The following MON2 variants were observed in gnomAD, a reference collection of about 807,000 sequenced individuals.
MON2 encodes the protein MON2 regulator of endosome-to-Golgi trafficking, also known as protein MON2 homolog.
In MON2, 84 loss-of-function variants were observed where a neutral mutation model predicts 208.6. That is an observed-to-expected ratio of 0.40 (90% CI 0.34 to 0.48). MON2 has a LOEUF of 0.48. MON2 is among the 20% of genes least tolerant of loss of function. The pLI is 0.59. For missense variants in MON2, 1,611 were observed against 2,015.4 expected, an observed-to-expected ratio of 0.80 and a Z score of 3.84; for synonymous variants, 660 against 694.0, an observed-to-expected ratio of 0.95 and a Z score of 0.77.
chr12:62,525,172 T>G lies in MON2; in HGVS notation c.1198T>G (p.Leu400Val). 2 of 1,613,254 alleles carry G rather than the reference T, an allele frequency of 1.2e-6. No individual in the cohort carries two copies. Among genetic ancestry groups the G allele is most frequent in the Non-Finnish European group, 1.7e-6 (2 of 1,179,320 alleles). ...VNALGSFIQSLFLVPPTGNPA... is the reference protein window; with the variant it reads ...VNALGSFIQSVFLVPPTGNPA... Reference sequence around the variant, plus strand: ...TGCACTGGGATCTTTTATACAGTCCTTGTTTCTTGTCCCCCCTACTGGAAA... The same window carrying G: ...TGCACTGGGATCTTTTATACAGTCCGTGTTTCTTGTCCCCCCTACTGGAAA... The change falls in exon 10 of 35, where the codon TTG becomes GTG. Residue 400 changes from leucine (L) to valine (V), a missense_variant. Leu to Val is a conservative substitution (Grantham distance 32, BLOSUM62 1). Transcript: ENST00000393630.
At position 62,549,667 on chromosome 12, in the gene MON2, G is replaced by C; in HGVS notation, c.2754-1G>C. ...TCTGTATACATTTCTTTTGTTTTCA[G>C]AGAATCCTTGATACGAACTGCATTC... On this transcript the variant is annotated splice_acceptor_variant, in intron 22 of 34. Coordinates refer to ENST00000393630, the MANE Select transcript of MON2 (RefSeq NM_015026.3). LOFTEE classifies it high-confidence loss of function. 6 of 1,584,050 alleles carry C rather than the reference G, an allele frequency of 3.8e-6. No individual in the cohort carries two copies. Among genetic ancestry groups the C allele is most frequent in the Non-Finnish European group, 5.1e-6 (6 of 1,170,876 alleles).
intron 2 of MON2, chr12:62,490,088 G>T: frequency 2.5e-6 from 2 of 813,352 alleles, no homozygotes; most frequent in Non-Finnish European, 3.4e-6. Context: ...AAACCCCTAG[G>T]ATATGGGGAC....
At chr12:62,527,840 G>A (rs1304450106) in intron 11 of MON2, among the ~76,000 whole-genome samples, 4 of 149,570 alleles carry the variant, frequency 2.7e-5, no homozygotes, top group African/African-American at 9.8e-5. Flanking sequence ...GTGTACTTGA[G>A]GAAGGAAAAA....
intron 1 of MON2, among the ~76,000 whole-genome samples, chr12:62,481,301 C>T (rs1445086907): frequency 1.8e-4 from 27 of 151,984 alleles, no homozygotes; most frequent in East Asian, 3.9e-4. Flanking sequence ...CTGAGGCGGG[C>T]GGATCACGAG....
Position 62,537,636 on chromosome 12 carries a change from TACTTA to T in MON2, c.2053_2057del (p.Asn685GlyfsTer31), listed in dbSNP as rs1565660253. The T allele has an allele frequency of 6.2e-7, 1 of 1,613,274 alleles. No homozygotes were observed. The highest frequency in any genetic ancestry group is 2.2e-5 in the East Asian group (1 of 44,824). ...AAAAATATCCAGTGTATGAGGACTT[TACTTA>T]ACTTGGCGCATTGCCATGGGGCTGT... On this transcript the variant is annotated frameshift_variant, in exon 16 of 35. Transcript: ENST00000393630. LOFTEE classifies it high-confidence loss of function.
chr12:62,592,468 A>T (rs1592494871), intron 34 of MON2, 118 bp from the exon 35 acceptor site: 1 of 738,356 alleles, frequency 1.4e-6, no homozygotes, highest in Non-Finnish European at 2.0e-6. Flanking sequence ...ACAAGCTTGT[A>T]GAATCTTCAT....
In MON2 at chr12:62,529,015, C is replaced by T. The variant is rs374619533; in HGVS notation, c.1400+2913C>T. 6.6e-5 allele frequency among the ~76,000 whole-genome samples: 10 copies of T among 152,224 alleles called. No individual in the cohort carries two copies. The East Asian group carries it at 1.2e-3, about 18-fold the overall frequency. On this transcript the variant is annotated intron_variant, in intron 11 of 34. Transcript: ENST00000393630. ...GCTCCTCTTTCTCCTCCCACCCTCC[C>T]GCCTCAAGTACACCCCAGTGTCTGG... is the stretch of plus-strand genomic sequence containing the variant.
At chr12:62,578,846 G>A (rs1261669715) in intron 31 of MON2, among the ~76,000 whole-genome samples, 1 of 152,184 alleles carries the variant, frequency 6.6e-6, no homozygotes, top group African/African-American at 2.4e-5. Context: ...GATGTTTCTG[G>A]TTCAAATTAA....
chr12:62,484,112 C>G, intron 1 of MON2, 58 bp from the exon 2 acceptor site: 1 of 1,228,496 alleles, frequency 8.1e-7, no homozygotes, highest in Non-Finnish European at 1.2e-6. Flanking sequence ...GACTTATTTT[C>G]CATAGATAAT....
chr12:62,470,165 C>T (rs1786156016), intron 1 of MON2, among the ~76,000 whole-genome samples: 1 of 151,976 alleles, frequency 6.6e-6, no homozygotes, highest in African/African-American at 2.4e-5. Flanking sequence ...CCTCCTACTC[C>T]CAAAGTGCTA....
At chr12:62,530,898 G>C (rs950797289) in intron 11 of MON2, among the ~76,000 whole-genome samples, 1 of 152,148 alleles carries the variant, frequency 6.6e-6, no homozygotes, top group Non-Finnish European at 1.5e-5. Flanking sequence ...CCTCAGCAAT[G>C]CTTGTTAATC....
At position 62,533,243 on chromosome 12, in the gene MON2, A is replaced by G. The variant is rs532836962; in HGVS notation, c.1633+573A>G. ...ACTGTATCATTACATTAGGAAGCAT[A>G]CTACAGTATCAATTTGTGTCATTAT... On this transcript the variant is annotated intron_variant, in intron 12 of 34. Coordinates refer to ENST00000393630, the MANE Select transcript of MON2 (RefSeq NM_015026.3). Among the ~76,000 whole-genome samples the G allele has an allele frequency of 6.6e-5, 10 of 152,290 alleles. No homozygotes were observed. In the South Asian group the frequency reaches 2.1e-3, roughly 32 times the overall value.
chr12:62,502,160 C>T (rs992951544), intron 7 of MON2, among the ~76,000 whole-genome samples: 9 of 151,990 alleles, frequency 5.9e-5, no homozygotes, highest in African/African-American at 1.5e-4. Context: ...GCAGAGGTTG[C>T]GGTGAGCCAA....
intron 22 of MON2, among the ~76,000 whole-genome samples, chr12:62,548,679 A>G (rs186914559): frequency 2.6e-5 from 4 of 152,328 alleles, no homozygotes; most frequent in Admixed American, 2.6e-4. Flanking sequence ...GTGGTGTACT[A>G]AATAGGGCAT....
chr12:62,564,564 T>C (rs1201025599), intron 26 of MON2, among the ~76,000 whole-genome samples: 1 of 152,088 alleles, frequency 6.6e-6, no homozygotes, highest in Non-Finnish European at 1.5e-5. Context: ...TATCATGATA[T>C]GCATTTTATT....
At chr12:62,525,779 A>G (rs2072300081) in intron 10 of MON2, among the ~76,000 whole-genome samples, 170 bp from the exon 11 acceptor site, 1 of 152,244 alleles carries the variant, frequency 6.6e-6, no homozygotes, top group Non-Finnish European at 1.5e-5. Context: ...GGGAAATAGG[A>G]ACATTCTCTG....
chr12:62,584,886 G>A (rs1243415491), intron 32 of MON2, among the ~76,000 whole-genome samples: 4 of 151,580 alleles, frequency 2.6e-5, no homozygotes, highest in African/African-American at 7.3e-5. Context: ...CTAGGAGAGG[G>A]AAAAAGAGAG....
chr12:62,526,631 A>G (rs2072344147), intron 11 of MON2, among the ~76,000 whole-genome samples: 1 of 152,126 alleles, frequency 6.6e-6, no homozygotes, highest in South Asian at 2.1e-4. Context: ...TGGATTCCAT[A>G]TCTGTTATTT....
At chr12:62,540,368 TATAAG>T (rs1301911433) in intron 19 of MON2, among the ~76,000 whole-genome samples, 20 of 152,200 alleles carry the variant, frequency 1.3e-4, no homozygotes, top group African/African-American at 4.8e-4. Context: ...TTCCTTGTTA[TATAAG>T]ATGTTATTGG....
Sources: allele counts gnomAD v4.1 joint callset (sites outside exome capture counted in the v4.1 genomes callset), GRCh38; gene constraint gnomAD v4.1.1; transcripts MANE v1.5; gene names NCBI Gene and HGNC (gene_info 2026-07-23, HGNC 2026-07-21).